DPP10: variants seen among roughly 807,000 people sequenced by gnomAD.
DPP10 encodes the protein dipeptidyl peptidase like 10, also known as inactive dipeptidyl peptidase 10.
DPP10 carries 33 observed loss-of-function variants against 120.9 expected under a neutral mutation model. That is an observed-to-expected ratio of 0.27 (90% CI 0.21 to 0.37). The LOEUF (loss-of-function observed/expected upper bound fraction) is 0.37. Ranked by LOEUF, DPP10 falls within the 10% of genes least tolerant of loss-of-function variation. The probability of loss-of-function intolerance (pLI) is 1.00; values close to 1 mark genes in which losing one functional copy is unlikely to be tolerated. For missense variants in DPP10, 816 were observed against 942.8 expected (o/e 0.87, Z 1.76); for synonymous variants, 337 against 326.1 (o/e 1.03, Z -0.36).
intron 1 of DPP10, among the ~76,000 whole-genome samples, chr2:114,486,731 A>G (rs1220205856): frequency 6.6e-6 from 1 of 152,124 alleles, no homozygotes; most frequent in Admixed American, 6.6e-5. Flanking sequence ...AATATTTGTG[A>G]TAATGCATGC....
At chr2:115,155,356 C>T (rs982561726) in intron 1 of DPP10, among the ~76,000 whole-genome samples, 3 of 152,200 alleles carry the variant, frequency 2.0e-5, no homozygotes, top group South Asian at 2.1e-4. Flanking sequence ...CAGTTATATT[C>T]GGGAAGATGA....
intron 1 of DPP10, among the ~76,000 whole-genome samples, chr2:114,987,820 T>TTTTTTTTTTTTTTA (rs1574640363): frequency 6.8e-6 from 1 of 147,716 alleles, no homozygotes; most frequent in Non-Finnish European, 1.5e-5. Context: ...TTTTTTTATT[T>TTTTTTTTTTTTTTA]TGAGATGGAG....
At chr2:115,799,419 T>C (rs1684909700) in intron 19 of DPP10, among the ~76,000 whole-genome samples, 1 of 151,944 alleles carries the variant, frequency 6.6e-6, no homozygotes, top group Non-Finnish European at 1.5e-5. Flanking sequence ...CTTCCTATGC[T>C]TTTATTTTTT....
At chr2:115,022,237 A>T (rs1335647886) in intron 1 of DPP10, among the ~76,000 whole-genome samples, 1 of 152,128 alleles carries the variant, frequency 6.6e-6, no homozygotes, top group Non-Finnish European at 1.5e-5. Flanking sequence ...CTGTTTGCTG[A>T]TGATATGATT....
chr2:115,482,641 A>G (rs1013084989), intron 3 of DPP10, among the ~76,000 whole-genome samples: 6 of 151,976 alleles, frequency 3.9e-5, no homozygotes, highest in Non-Finnish European at 5.9e-5. Context: ...GCAGCTCTTT[A>G]TGACTGTCTT....
At chr2:114,914,942 T>C (rs963716877) in intron 1 of DPP10, among the ~76,000 whole-genome samples, 1 of 151,940 alleles carries the variant, frequency 6.6e-6, no homozygotes, top group Non-Finnish European at 1.5e-5. Context: ...CCATCCCGGC[T>C]AAAACGGTGA....
intron 1 of DPP10, among the ~76,000 whole-genome samples, chr2:114,743,046 A>G (rs1158501029): frequency 6.6e-6 from 1 of 152,174 alleles, no homozygotes; most frequent in African/African-American, 2.4e-5. Context: ...TTCCAAATCC[A>G]TCACTATGGT....
At chr2:115,734,114 A>C (rs1045846017) in intron 8 of DPP10, among the ~76,000 whole-genome samples, 1 of 152,176 alleles carries the variant, frequency 6.6e-6, no homozygotes, top group African/African-American at 2.4e-5. Flanking sequence ...AAGGCTCTCT[A>C]TATGATTATT....
At chr2:115,762,428 CAAT>C (rs1680225964) in intron 11 of DPP10, 141 bp from the exon 12 acceptor site, 1 of 757,704 alleles carries the variant, frequency 1.3e-6, no homozygotes. Context: ...CAGATTAAAT[CAAT>C]AATGACAATG....
intron 1 of DPP10, among the ~76,000 whole-genome samples, chr2:115,090,823 G>T (rs573524453): frequency 6.6e-6 from 1 of 152,022 alleles, no homozygotes; most frequent in Non-Finnish European, 1.5e-5. Context: ...GTTATCTGGG[G>T]TCTGACATCT....
At chr2:114,860,284 C>T (rs1384215609) in intron 1 of DPP10, among the ~76,000 whole-genome samples, 3 of 152,192 alleles carry the variant, frequency 2.0e-5, no homozygotes, top group Non-Finnish European at 1.5e-5. Flanking sequence ...CACTAAGTTA[C>T]TGAGTATCTA....
At chr2:115,661,238 C>T (rs576347189) in intron 5 of DPP10, among the ~76,000 whole-genome samples, 9 of 152,242 alleles carry the variant, frequency 5.9e-5, no homozygotes, top group South Asian at 4.2e-4. Flanking sequence ...CGTGAGCCAC[C>T]GCGACCAGCC....
intron 3 of DPP10, among the ~76,000 whole-genome samples, chr2:115,479,216 A>C (rs534685791): frequency 3.3e-5 from 5 of 152,278 alleles, no homozygotes; most frequent in Admixed American, 2.6e-4. Flanking sequence ...ATGGGATGTT[A>C]TTCATCCTTA....
chr2:115,821,129 T>C (rs1160898996), intron 21 of DPP10, among the ~76,000 whole-genome samples: 1 of 152,174 alleles, frequency 6.6e-6, no homozygotes, highest in Non-Finnish European at 1.5e-5. Flanking sequence ...TATGTCCATT[T>C]AATCAAACAT....
At chr2:114,906,565 A>G (rs1384505875) in intron 1 of DPP10, among the ~76,000 whole-genome samples, 1 of 152,070 alleles carries the variant, frequency 6.6e-6, no homozygotes, top group Non-Finnish European at 1.5e-5. Flanking sequence ...ACTGTCATAA[A>G]AAGAAGTTTG....
intron 1 of DPP10, among the ~76,000 whole-genome samples, chr2:115,301,840 A>T (rs2061151795): frequency 6.6e-6 from 1 of 152,064 alleles, no homozygotes; most frequent in African/African-American, 2.4e-5. Flanking sequence ...CGTGATGCTA[A>T]AAGTGTAAAA....
chr2:114,988,039 C>T (rs1700524743), intron 1 of DPP10, among the ~76,000 whole-genome samples: 1 of 151,870 alleles, frequency 6.6e-6, no homozygotes, highest in African/African-American at 2.4e-5. Flanking sequence ...CTCCTGACCT[C>T]GTGATCCGCC....
At chr2:114,822,791 G>C (rs1686209351) in intron 1 of DPP10, among the ~76,000 whole-genome samples, 1 of 151,966 alleles carries the variant, frequency 6.6e-6, no homozygotes, top group South Asian at 2.1e-4. Flanking sequence ...CAAATCTCTA[G>C]GACACGGGCA....
rs1271577097 is a variant in DPP10, at chr2:114,870,886, T to C, written c.60+428048T>C. 2.2e-5 allele frequency among the ~76,000 whole-genome samples: 3 copies of C among 135,972 alleles called. 1 individual carries two copies. The highest frequency in any genetic ancestry group is 4.8e-5 in the Non-Finnish European group (3 of 61,972). 89.2% of individuals were successfully genotyped at this position (135,972 alleles called of 152,430 possible). ...AGCTTAGCAAGCTTAGCTGGGCCTG[T>C]TGTAGAACTTGTTGATTAAATGACT... On this transcript the variant is annotated intron_variant, in intron 1 of 25. Transcript: ENST00000410059.
Sources: gnomAD v4.1 joint callset for allele counts (sites outside exome capture counted in the v4.1 genomes callset) on GRCh38, gnomAD v4.1.1 for gene constraint, MANE v1.5 for transcripts, NCBI Gene and HGNC (gene_info 2026-07-23, HGNC 2026-07-21) for gene names.